Variants in ASH2L observed in about 807,000 individuals in gnomAD.
The protein encoded by ASH2L is ASH2 like, histone lysine methyltransferase complex subunit.
In ASH2L, 30 loss-of-function variants were observed where a neutral mutation model predicts 81.1. That is an observed-to-expected ratio of 0.37 (90% confidence interval 0.28 to 0.50). The LOEUF (loss-of-function observed/expected upper bound fraction) is 0.50. ASH2L is among the 20% of genes least tolerant of loss of function. The pLI is 0.95. For missense variants in ASH2L, 559 were observed against 792.1 expected (o/e 0.71, Z 3.53); for synonymous variants, 273 against 279.9 (o/e 0.98, Z 0.24).
At chr8:38,114,691 A>G (rs545042584) in intron 6 of ASH2L, 3 of 523,212 alleles carry the variant, frequency 5.7e-6, no homozygotes, top group Non-Finnish European at 1.0e-5. Context: ...AAATAGAAGG[A>G]TAGGTGAGGA....
rs1437701041 is a variant in ASH2L at position 38,115,012 on chromosome 8, T to C, written c.777+12T>C. 1.3e-6 allele frequency: 2 copies of C among 1,543,130 alleles called. No homozygotes were observed. Among genetic ancestry groups the C allele is most frequent in the African/African-American group, 2.7e-5 (2 of 73,328 alleles). ...GACTTTTGGATCAGGTACATTAATA[T>C]GTTTTACATTTTCTTTTTGATTTTA... is the stretch of plus-strand genomic sequence containing the variant. On this transcript the variant is annotated intron_variant, in intron 7 of 15. Coordinates refer to ENST00000343823, the MANE Select transcript of ASH2L (RefSeq NM_004674.5).
At position 38,139,513 on chromosome 8, in the gene ASH2L, C is replaced by T. The variant is rs1802396690; in HGVS notation, c.*442C>T. 6.4e-6 allele frequency: 1 copy of T among 155,318 alleles called. No individual in the cohort carries two copies. The allele number at this position is 155,318 out of a possible 1,614,324, so 9.6% of individuals were successfully genotyped here. A position where few individuals can be genotyped will look rare whatever the true frequency, so the allele number is the denominator to read the frequency against. ...TTCTGAGAACACCTGAAATCAATGG[C>T]TATACATTCCAAACCAATCTAAACG... On this transcript the variant is annotated 3_prime_UTR_variant, in exon 16 of 16. Transcript: ENST00000343823.
chr8:38,121,359 A>G (rs1041453877), intron 10 of ASH2L, among the ~76,000 whole-genome samples: 1 of 143,020 alleles, frequency 7.0e-6, no homozygotes, highest in African/African-American at 2.5e-5. Flanking sequence ...ATATATATAT[A>G]TATATATATA....
At chr8:38,128,686 A>T (rs954124237) in intron 11 of ASH2L, 72 bp from the exon 12 acceptor site, 88 of 1,556,094 alleles carry the variant, frequency 5.7e-5, no homozygotes, top group Non-Finnish European at 7.3e-5. Context: ...AAGAAATAGG[A>T]TCTTTTTCCT....
chr8:38,111,688 T>C (rs1810688524), intron 5 of ASH2L, among the ~76,000 whole-genome samples: 1 of 152,156 alleles, frequency 6.6e-6, no homozygotes, highest in Admixed American at 6.5e-5. Flanking sequence ...ACCCGGCCCA[T>C]TTCTTCTTAG....
chr8:38,105,493 C>T (rs1167566387), upstream of ASH2L: 3 of 1,467,204 alleles, frequency 2.0e-6, no homozygotes, highest in Non-Finnish European at 2.7e-6. Flanking sequence ...TACAGCGTCA[C>T]ACAGCAACGC....
At chr8:38,133,825 C>T (rs150792250) in intron 13 of ASH2L, among the ~76,000 whole-genome samples, 1 of 152,056 alleles carries the variant, frequency 6.6e-6, no homozygotes, top group Middle Eastern at 3.4e-3. Flanking sequence ...GGGAGGTGTA[C>T]CCAACAGCTC....
chr8:38,127,600 G>T (rs941868359), intron 10 of ASH2L, among the ~76,000 whole-genome samples: 7 of 151,562 alleles, frequency 4.6e-5, no homozygotes, highest in African/African-American at 1.7e-4. Flanking sequence ...ACGAAAATTA[G>T]CTGGGCGTGG....
intron 6 of ASH2L, 125 bp from the exon 7 acceptor site, chr8:38,114,780 A>G (rs1004651934): frequency 2.2e-5 from 14 of 639,860 alleles, no homozygotes; most frequent in Non-Finnish European, 1.4e-5. Flanking sequence ...CTTAGAAGGA[A>G]AAACGATACT....
intron 5 of ASH2L, among the ~76,000 whole-genome samples, chr8:38,111,908 T>C (rs1810697171): frequency 6.6e-6 from 1 of 152,218 alleles, no homozygotes; most frequent in Non-Finnish European, 1.5e-5. Context: ...ATTTTTGTGT[T>C]AATAATATCC....
At chr8:38,126,117 C>G (rs956062608) in intron 10 of ASH2L, among the ~76,000 whole-genome samples, 2 of 151,568 alleles carry the variant, frequency 1.3e-5, no homozygotes, top group African/African-American at 4.9e-5. Flanking sequence ...GTGGGAGAAT[C>G]GCTTGAACCC....
At chr8:38,126,509 A>G (rs1801849249) in intron 10 of ASH2L, among the ~76,000 whole-genome samples, 1 of 152,190 alleles carries the variant, frequency 6.6e-6, no homozygotes, top group Admixed American at 6.6e-5. Context: ...TGATGTGAAC[A>G]TTTGGGAAAA....
Position 38,114,944 on chromosome 8 carries a change from G to C in ASH2L, c.721G>C (p.Asp241His), listed in dbSNP as rs1225999914. 1.9e-6 allele frequency: 3 copies of C among 1,613,020 alleles called. No homozygotes were observed. The highest frequency in any genetic ancestry group is 1.7e-4 in the Middle Eastern group (1 of 6,054). Residue 241 changes from aspartate to histidine, a missense_variant, in exon 7 of 16, where the codon GAT (aspartate) becomes CAT (histidine). Coordinates refer to ENST00000343823, the MANE Select transcript of ASH2L (RefSeq NM_004674.5). Reference protein sequence around the residue: ...RDVFLVKEHPDPGSKDPEEDY... With the variant: ...RDVFLVKEHPHPGSKDPEEDY... ...TGTATTCTTGGTAAAGGAACACCCAGATCCAGGCAGTAAAGATCCAGAAGA... is the reference window on the plus strand; with the variant it reads ...TGTATTCTTGGTAAAGGAACACCCACATCCAGGCAGTAAAGATCCAGAAGA...
At position 38,110,840 on chromosome 8, in the gene ASH2L, G is replaced by A; in HGVS notation, c.585+7G>A. On this transcript the variant is annotated splice_region_variant and intron_variant, in intron 5 of 15. Transcript: ENST00000343823. ...AATGTTCTCCAAAGATAAGGTAGAG[G>A]TGGAACTAATGTGATTGCAGTTATA... 6.2e-7 allele frequency: 1 copy of A among 1,609,902 alleles called. No homozygotes were observed.
In ASH2L at chr8:38,137,140, C is replaced by T. The variant is rs1350166989; in HGVS notation, c.1719+1374C>T. On this transcript the variant is annotated intron_variant, in intron 14 of 15. Coordinates refer to ENST00000343823, the MANE Select transcript of ASH2L (RefSeq NM_004674.5). Reference sequence around the variant, plus strand: ...TGGCGCTGGGCACAGTGGCTCACGCCTGTAATCCCAGCACTTTGGTGGGAG... The same window carrying T: ...TGGCGCTGGGCACAGTGGCTCACGCTTGTAATCCCAGCACTTTGGTGGGAG... Among the ~76,000 whole-genome samples the T allele has an allele frequency of 1.3e-5, 2 of 151,794 alleles. 1 individual carries two copies. The highest frequency in any genetic ancestry group is 1.3e-4 in the Admixed American group (2 of 15,254).
At chr8:38,121,292 C>T (rs1811131880) in intron 10 of ASH2L, 143 bp downstream of exon 10, 6 of 485,636 alleles carry the variant, frequency 1.2e-5, no homozygotes, top group African/African-American at 2.1e-5. Context: ...CCAGAATGTG[C>T]AAGAAATTCT....
intron 3 of ASH2L, among the ~76,000 whole-genome samples, chr8:38,109,649 A>G (rs1005642619): frequency 1.3e-5 from 2 of 152,188 alleles, no homozygotes; most frequent in African/African-American, 4.8e-5. Flanking sequence ...GCCTTCAAAT[A>G]GGCAAGTCTT....
rs1802224844 is a variant in ASH2L at position 38,135,724 on chromosome 8, G to A, written c.1677G>A (p.Glu559=). 1 of 1,613,126 alleles carries A rather than the reference G, an allele frequency of 6.2e-7. No homozygotes were observed. The highest frequency in any genetic ancestry group is 8.5e-7 in the Non-Finnish European group (1 of 1,179,566). The part of the protein sequence containing the change: ...NQGVAYKDIF[E]GVYFPAISLY... ...GTGTGGCTTACAAAGATATTTTTGA[G>A]GGGGTTTACTTCCCAGCCATCTCAC... The change falls in exon 14 of 16, where the codon GAG becomes GAA. Residue 559 remains glutamate, a synonymous_variant. Coordinates refer to ENST00000343823, the MANE Select transcript of ASH2L (RefSeq NM_004674.5).
At chr8:38,130,790 G>C (rs1157369617) in intron 12 of ASH2L, among the ~76,000 whole-genome samples, 1 of 151,852 alleles carries the variant, frequency 6.6e-6, no homozygotes, top group Non-Finnish European at 1.5e-5. Context: ...GTGGAGACAG[G>C]GTTTCACCAT....
Sources: allele counts gnomAD v4.1 joint callset (sites outside exome capture counted in the v4.1 genomes callset), GRCh38; gene constraint gnomAD v4.1.1; transcripts MANE v1.5; gene names NCBI Gene and HGNC (gene_info 2026-07-23, HGNC 2026-07-21).